Variants in FGGY observed in about 807,000 individuals in gnomAD.
The protein encoded by FGGY is FGGY carbohydrate kinase domain containing.
FGGY carries 72 observed loss-of-function variants against 71.3 expected under a neutral mutation model. That is an observed-to-expected ratio of 1.01 (90% CI 0.84 to 1.23). The LOEUF is 1.23. Among genes scored for constraint, FGGY ranks in the 50% most tolerant of loss-of-function variants. The probability of loss-of-function intolerance (pLI) is 0.00; values close to 1 mark genes in which losing one functional copy is unlikely to be tolerated. For synonymous variants in FGGY, 251 were observed against 250.3 expected (o/e 1.00, Z -0.02); for missense variants, 668 against 682.3 (o/e 0.98, Z 0.23).
chr1:59,550,731 T>C (rs2095596094), intron 7 of FGGY, among the ~76,000 whole-genome samples: 1 of 152,190 alleles, frequency 6.6e-6, no homozygotes, highest in Non-Finnish European at 1.5e-5. Flanking sequence ...TGGCTCTCAC[T>C]GAGTTTCATG....
At chr1:59,487,133 C>G (rs2093681464) in intron 6 of FGGY, among the ~76,000 whole-genome samples, 1 of 152,072 alleles carries the variant, frequency 6.6e-6, no homozygotes, top group Non-Finnish European at 1.5e-5. Flanking sequence ...AGGAGATATT[C>G]ACACTAAAAG....
At chr1:59,544,088 G>A (rs1033217963) in intron 7 of FGGY, among the ~76,000 whole-genome samples, 5 of 148,516 alleles carry the variant, frequency 3.4e-5, no homozygotes, top group South Asian at 2.2e-4. Context: ...GAGTGTAGAC[G>A]AGGAGAGTTA....
chr1:59,670,195 A>C (rs1009734291), intron 13 of FGGY, among the ~76,000 whole-genome samples: 6 of 152,190 alleles, frequency 3.9e-5, no homozygotes, highest in Non-Finnish European at 8.8e-5. Flanking sequence ...GCATCAGATA[A>C]AATAGTTCAC....
Position 59,332,615 on chromosome 1 carries a change from C to G in FGGY, c.202-7343C>G, listed in dbSNP as rs6690007. ...TTAAATGCATGCCACAGTTACTCTT[C>G]CAGTTTCTTGTGAGAGGTCTCTGTT... On this transcript the variant is annotated intron_variant, in intron 2 of 15. Coordinates refer to ENST00000303721, the MANE Select transcript of FGGY (RefSeq NM_018291.5). Among the ~76,000 whole-genome samples the G allele has an allele frequency of 3.7e-3, 567 of 152,260 alleles. 4 individuals are homozygous for G. The highest frequency in any genetic ancestry group is 0.013 in the African/African-American group (548 of 41,552).
chr1:59,363,557 G>C (rs2056017507), intron 4 of FGGY, among the ~76,000 whole-genome samples: 1 of 152,164 alleles, frequency 6.6e-6, no homozygotes, highest in Non-Finnish European at 1.5e-5. Context: ...CAGAGTACTA[G>C]AGCCAGGATA....
chr1:59,546,525 TGATGATGATG>T (rs1558303339), intron 7 of FGGY, among the ~76,000 whole-genome samples: 4,343 of 100,616 alleles, frequency 0.043, 190 homozygotes, highest in African/African-American at 0.15. Context: ...ATGATGATGA[TGATGATGATG>T]ATTATTATTA....
chr1:59,556,738 G>A (rs1448444525), intron 8 of FGGY, among the ~76,000 whole-genome samples: 2 of 152,172 alleles, frequency 1.3e-5, no homozygotes, highest in African/African-American at 2.4e-5. Context: ...TGAGTAACAT[G>A]CATTATGTAG....
intron 5 of FGGY, among the ~76,000 whole-genome samples, chr1:59,455,651 A>G (rs190119119): frequency 6.6e-6 from 1 of 152,346 alleles, no homozygotes; most frequent in East Asian, 1.9e-4. Context: ...AGAACAGATT[A>G]TAAGGCAATA....
At chr1:59,601,959 A>G (rs12740334) in intron 8 of FGGY, among the ~76,000 whole-genome samples, 15,599 of 152,192 alleles carry the variant, frequency 0.1, 952 homozygotes, top group South Asian at 0.3. Flanking sequence ...CAAAGTAAGT[A>G]CTTCAAGAAG....
chr1:59,746,928 T>C (rs1231559249), intron 14 of FGGY, among the ~76,000 whole-genome samples: 1 of 152,246 alleles, frequency 6.6e-6, no homozygotes, highest in Non-Finnish European at 1.5e-5. Context: ...TCCAAAGCCA[T>C]ATGTTTTCTT....
At chr1:59,375,097 C>CAAA in intron 4 of FGGY, among the ~76,000 whole-genome samples, 1 of 138,050 alleles carries the variant, frequency 7.2e-6, no homozygotes, top group African/African-American at 2.6e-5. Context: ...TAGTTTTCAT[C>CAAA]AAAAAAAAAA....
At position 59,630,380 on chromosome 1, in the gene FGGY, A is replaced by G. The variant is rs75415483; in HGVS notation, c.1073+4331A>G. 6.2e-3 allele frequency among the ~76,000 whole-genome samples: 951 copies of G among 152,268 alleles called. 15 individuals are homozygous for G. The highest frequency in any genetic ancestry group is 0.022 in the African/African-American group (900 of 41,558). On this transcript the variant is annotated intron_variant, in intron 10 of 15. Transcript: ENST00000303721. ...TTCAAGCAGCATACGTCAGTCATTC[A>G]TACCTTGCCTGCCTTCTTATGGAAA... is the stretch of plus-strand genomic sequence containing the variant.
chr1:59,640,436 G>T (rs2097011329), intron 11 of FGGY, among the ~76,000 whole-genome samples: 1 of 152,176 alleles, frequency 6.6e-6, no homozygotes, highest in Non-Finnish European at 1.5e-5. Flanking sequence ...GGTTCCTATT[G>T]TATGCCAGGC....
intron 9 of FGGY, among the ~76,000 whole-genome samples, chr1:59,620,770 G>GT (rs1455517136): frequency 2.5e-4 from 38 of 151,834 alleles, no homozygotes; most frequent in Non-Finnish European, 4.3e-4. Context: ...CTTCATGAAA[G>GT]GTATAAATAC....
chr1:59,727,494 C>G (rs542280659), intron 14 of FGGY, among the ~76,000 whole-genome samples: 1 of 152,240 alleles, frequency 6.6e-6, no homozygotes, highest in East Asian at 1.9e-4. Context: ...TAGGAATATA[C>G]TAACCAAGGA....
intron 9 of FGGY, among the ~76,000 whole-genome samples, chr1:59,611,503 C>A (rs1167504471): frequency 6.6e-6 from 1 of 152,152 alleles, no homozygotes; most frequent in Admixed American, 6.5e-5. Flanking sequence ...ATCTGTACGT[C>A]ACCATCATCA....
rs527867710 is a variant in FGGY at position 59,538,809 on chromosome 1, C to G, written c.800-15315C>G. ...GAATTGAACAATGAGAACACATGGA[C>G]ACAGGAAGGGGAACATCACACTTTG... On this transcript the variant is annotated intron_variant, in intron 7 of 15. Coordinates refer to ENST00000303721, the MANE Select transcript of FGGY (RefSeq NM_018291.5). Among the ~76,000 whole-genome samples the G allele has an allele frequency of 2.0e-4, 26 of 132,824 alleles. 1 individual carries two copies. In the South Asian group the frequency reaches 6.0e-3, roughly 31 times the overall value. The allele number at this position is 132,824 out of a possible 152,430, so 87.1% of individuals were successfully genotyped here.
intron 11 of FGGY, among the ~76,000 whole-genome samples, chr1:59,657,239 C>T (rs2153952094): frequency 6.6e-6 from 1 of 152,334 alleles, no homozygotes; most frequent in East Asian, 1.9e-4. Flanking sequence ...TTTACCCCCA[C>T]TCCCAACAAA....
intron 1 of FGGY, chr1:59,316,028 A>G (rs1225996954): frequency 6.6e-6 from 1 of 152,210 alleles, no homozygotes; most frequent in Non-Finnish European, 1.5e-5. Context: ...TCTCATTTCA[A>G]ATTTTTCCAC....
Sources: allele counts gnomAD v4.1 joint callset (sites outside exome capture counted in the v4.1 genomes callset), GRCh38; gene constraint gnomAD v4.1.1; transcripts MANE v1.5; gene names NCBI Gene and HGNC (gene_info 2026-07-23, HGNC 2026-07-21).